The following NRG3 variants were observed in gnomAD, a reference collection of about 807,000 sequenced individuals.
NRG3 encodes the protein pro-neuregulin-3, membrane-bound isoform.
Under a neutral mutation model 66.9 loss-of-function variants are expected in NRG3, and 31 were observed. The observed-to-expected ratio is 0.46, with a 90% CI of 0.35 to 0.63. The LOEUF (loss-of-function observed/expected upper bound fraction) is 0.63, where lower values mean the gene tolerates loss of function less well. Among genes scored for constraint, NRG3 ranks in the 20% least tolerant of loss-of-function variants. The probability of loss-of-function intolerance (pLI) is 0.00; values close to 1 mark genes in which losing one functional copy is unlikely to be tolerated. For missense variants in NRG3, 910 were observed against 878.9 expected (o/e 1.04, Z -0.45); for synonymous variants, 393 against 359.4 (o/e 1.09, Z -1.06).
At chr10:82,047,511 G>T (rs1313898788) in intron 1 of NRG3, among the ~76,000 whole-genome samples, 1 of 151,752 alleles carries the variant, frequency 6.6e-6, no homozygotes, top group East Asian at 1.9e-4. Context: ...AGCTTCATAA[G>T]CGAAGGAGAA....
At chr10:82,704,141 C>G (rs1484839492) in intron 2 of NRG3, among the ~76,000 whole-genome samples, 1 of 152,106 alleles carries the variant, frequency 6.6e-6, no homozygotes, top group Non-Finnish European at 1.5e-5. Flanking sequence ...AGTCTCTGTG[C>G]TTCTGTAAAC....
chr10:82,446,572 G>A (rs1378186613), intron 2 of NRG3, among the ~76,000 whole-genome samples: 1 of 152,144 alleles, frequency 6.6e-6, no homozygotes, highest in South Asian at 2.1e-4. Context: ...ACTTATAAGT[G>A]GGAGCTGAAC....
intron 1 of NRG3, among the ~76,000 whole-genome samples, chr10:82,086,504 G>T (rs2065732350): frequency 6.6e-6 from 1 of 151,932 alleles, no homozygotes; most frequent in African/African-American, 2.4e-5. Context: ...ATCTCTTTCA[G>T]TCCAACCTGG....
At chr10:82,332,038 G>A (rs905608940) in intron 1 of NRG3, among the ~76,000 whole-genome samples, 2 of 152,172 alleles carry the variant, frequency 1.3e-5, no homozygotes, top group African/African-American at 2.4e-5. Context: ...TGGTTGAAAT[G>A]CTTGGGTTGG....
chr10:82,861,255 C>T (rs2135920536), intron 3 of NRG3, among the ~76,000 whole-genome samples: 1 of 151,926 alleles, frequency 6.6e-6, no homozygotes, highest in South Asian at 2.1e-4. Context: ...CCAGTGGTGT[C>T]AGTTGCCATG....
At chr10:82,647,706 G>T (rs1191025911) in intron 2 of NRG3, among the ~76,000 whole-genome samples, 1 of 151,868 alleles carries the variant, frequency 6.6e-6, no homozygotes, top group Non-Finnish European at 1.5e-5. Context: ...TCTAACTGGT[G>T]TGAGATGGTA....
intron 4 of NRG3, among the ~76,000 whole-genome samples, chr10:82,914,761 TTC>T (rs1469573848): frequency 1.3e-5 from 2 of 151,886 alleles, no homozygotes; most frequent in African/African-American, 2.4e-5. Context: ...TTTTTTTTTT[TTC>T]CCCACACCCC....
intron 2 of NRG3, among the ~76,000 whole-genome samples, chr10:82,559,952 A>T (rs1200910280): frequency 6.6e-6 from 1 of 152,030 alleles, no homozygotes; most frequent in Non-Finnish European, 1.5e-5. Context: ...TTTGCTTAAA[A>T]TTAGGAATTT....
rs115191667 is a variant in NRG3 at position 81,879,913 on chromosome 10, G to A, written c.823+3750G>A. ...ACATTGTATTCTCTCTACATGAGTC[G>A]AGGCCTTTAAAGGCATCCAACGTAG... On this transcript the variant is annotated intron_variant, in intron 1 of 8. Coordinates refer to ENST00000372141, the MANE Select transcript of NRG3 (RefSeq NM_001010848.4). Among the ~76,000 whole-genome samples, 796 of 152,110 alleles carry A rather than the reference G, an allele frequency of 5.2e-3. 6 individuals are homozygous for A. The highest frequency in any genetic ancestry group is 0.018 in the African/African-American group (758 of 41,496).
At chr10:82,261,602 A>G (rs1798638475) in intron 1 of NRG3, among the ~76,000 whole-genome samples, 2 of 152,292 alleles carry the variant, frequency 1.3e-5, no homozygotes, top group East Asian at 1.9e-4. Context: ...ATTTACCCAC[A>G]TATTTATTGA....
chr10:82,351,383 C>T (rs2083430405), intron 1 of NRG3, among the ~76,000 whole-genome samples: 1 of 152,178 alleles, frequency 6.6e-6, no homozygotes, highest in South Asian at 2.1e-4. Flanking sequence ...TGCTGGAAAT[C>T]ACATTTCAAT....
chr10:82,000,234 A>G (rs901067358), intron 1 of NRG3, among the ~76,000 whole-genome samples: 3 of 152,224 alleles, frequency 2.0e-5, no homozygotes, highest in African/African-American at 4.8e-5. Context: ...AAAAGATTGT[A>G]TATACATTTT....
At chr10:82,470,694 G>C (rs1324230875) in intron 2 of NRG3, among the ~76,000 whole-genome samples, 1 of 152,186 alleles carries the variant, frequency 6.6e-6, no homozygotes, top group African/African-American at 2.4e-5. Context: ...GTGTCCTCTG[G>C]CAATGGTCAC....
At chr10:82,215,147 TATA>T (rs1414121476) in intron 1 of NRG3, among the ~76,000 whole-genome samples, 1 of 152,220 alleles carries the variant, frequency 6.6e-6, no homozygotes, top group East Asian at 1.9e-4. Context: ...TTTAACCTCT[TATA>T]ATAAGATGTG....
intron 2 of NRG3, among the ~76,000 whole-genome samples, chr10:82,736,229 C>T (rs1591361385): frequency 6.6e-6 from 1 of 152,314 alleles, no homozygotes; most frequent in Non-Finnish European, 1.5e-5. Flanking sequence ...GTTCTGCCAA[C>T]TTCAATCTAT....
intron 4 of NRG3, among the ~76,000 whole-genome samples, chr10:82,949,729 C>G (rs1438900644): frequency 6.6e-6 from 1 of 151,932 alleles, no homozygotes; most frequent in Non-Finnish European, 1.5e-5. Flanking sequence ...GTGGCAGGTG[C>G]CTATAGTCCT....
intron 3 of NRG3, among the ~76,000 whole-genome samples, chr10:82,802,386 A>G (rs2061079910): frequency 1.3e-5 from 2 of 152,192 alleles, no homozygotes; most frequent in African/African-American, 2.4e-5. Flanking sequence ...GCTACTCTGC[A>G]TGATCTAACT....
At chr10:82,800,937 C>T (rs2061007987) in intron 3 of NRG3, among the ~76,000 whole-genome samples, 1 of 151,966 alleles carries the variant, frequency 6.6e-6, no homozygotes, top group African/African-American at 2.4e-5. Context: ...CCTAAGACTG[C>T]CTAATTAAGG....
chr10:82,932,271 A>G (rs752103161), intron 4 of NRG3, among the ~76,000 whole-genome samples: 1 of 152,208 alleles, frequency 6.6e-6, no homozygotes, highest in Admixed American at 6.5e-5. Context: ...CATAGTTCAC[A>G]TTACCCTCAC....
Sources: gnomAD v4.1 joint callset for allele counts (sites outside exome capture counted in the v4.1 genomes callset) on GRCh38, gnomAD v4.1.1 for gene constraint, MANE v1.5 for transcripts, NCBI Gene and HGNC (gene_info 2026-07-23, HGNC 2026-07-21) for gene names.